The following ANXA8 variants were observed in gnomAD, a reference collection of about 807,000 sequenced individuals.
ANXA8 encodes annexin A8.
In ANXA8, 9 loss-of-function variants were observed where a neutral mutation model predicts 26.8. That is an observed-to-expected ratio of 0.34 (90% CI 0.20 to 0.59). The LOEUF (loss-of-function observed/expected upper bound fraction) is 0.59, where lower values mean the gene tolerates loss of function less well. Ranked by LOEUF, ANXA8 falls within the 20% of genes least tolerant of loss-of-function variation. The pLI, the probability that ANXA8 is intolerant of heterozygous loss-of-function variation, is 0.84. For missense variants in ANXA8, 83 were observed against 238.5 expected (o/e 0.35, Z 4.29); for synonymous variants, 39 against 94.8 (o/e 0.41, Z 3.42).
At chr10:47,530,476 T>C in the ANXA8 span, among the ~76,000 whole-genome samples, 3 of 146,352 alleles carry the variant, frequency 2.0e-5, no homozygotes, top group Non-Finnish European at 1.5e-5. Flanking sequence ...TCATCTGAGG[T>C]CAGGAGTTCG....
the ANXA8 span, among the ~76,000 whole-genome samples, chr10:47,654,238 A>G: frequency 1.4e-5 from 2 of 146,934 alleles, no homozygotes; most frequent in African/African-American, 2.7e-5. Flanking sequence ...GAGGAAGTGG[A>G]GTGTGCAAAG....
chr10:47,554,412 G>A, the ANXA8 span, among the ~76,000 whole-genome samples: 3 of 150,782 alleles, frequency 2.0e-5, no homozygotes, highest in South Asian at 2.1e-4. Context: ...AAACTGCCTC[G>A]CCTTCCCTGC....
the ANXA8 span, among the ~76,000 whole-genome samples, chr10:47,744,413 G>GCGGGGGGGGTTGGGGGGGGAGGGGGGAA: frequency 2.5e-4 from 1 of 3,978 alleles, no homozygotes; most frequent in African/African-American, 8.1e-4. Flanking sequence ...GCTCCTGGTG[G>GCGGGGGGGGTTGGGGGGGGAGGGGGGAA]GGGGGGGGTT....
the ANXA8 span, among the ~76,000 whole-genome samples, chr10:47,605,718 T>C: frequency 4.6e-5 from 7 of 150,826 alleles, no homozygotes; most frequent in East Asian, 1.4e-3. Context: ...CATACTTAAA[T>C]AGACAAATTT....
chr10:47,477,371 G>C (rs1324643172), intron 3 of ANXA8, among the ~76,000 whole-genome samples, 177 bp from the exon 4 acceptor site: 1 of 150,690 alleles, frequency 6.6e-6, no homozygotes, highest in Non-Finnish European at 1.5e-5. Flanking sequence ...TATCTTTACC[G>C]GTTACACGGA....
At chr10:47,580,756 A>C in the ANXA8 span, among the ~76,000 whole-genome samples, 4 of 65,564 alleles carry the variant, frequency 6.1e-5, no homozygotes, top group East Asian at 5.3e-4. Flanking sequence ...AACAAAACAA[A>C]AAAAAAAAAC....
the ANXA8 span, among the ~76,000 whole-genome samples, chr10:47,669,466 C>T: frequency 6.6e-6 from 1 of 151,378 alleles, no homozygotes; most frequent in Non-Finnish European, 1.5e-5. Context: ...GGCCTGTAAT[C>T]CCAGAACTTT....
the ANXA8 span, chr10:47,710,144 A>T: frequency 1.6e-6 from 1 of 616,758 alleles, no homozygotes; most frequent in African/African-American, 2.0e-5. Context: ...CATAAAATAC[A>T]GTTCTAAAAA....
At chr10:47,968,182 C>T in the ANXA8 span, among the ~76,000 whole-genome samples, 68 of 149,176 alleles carry the variant, frequency 4.6e-4, 1 homozygote, top group African/African-American at 1.6e-3. Context: ...TCTGTCGTAA[C>T]CTGTAGATTC....
At chr10:47,603,252 G>A in the ANXA8 span, among the ~76,000 whole-genome samples, 2 of 148,164 alleles carry the variant, frequency 1.3e-5, no homozygotes, top group Non-Finnish European at 2.9e-5. Context: ...AAAAATAAAG[G>A]AGAATAAGAG....
the ANXA8 span, among the ~76,000 whole-genome samples, chr10:47,705,142 G>A: frequency 6.6e-6 from 1 of 151,426 alleles, no homozygotes; most frequent in Admixed American, 6.6e-5. Context: ...AAAACAGCAG[G>A]GCATTTTAAG....
At chr10:47,705,767 T>G in the ANXA8 span, among the ~76,000 whole-genome samples, 1 of 152,090 alleles carries the variant, frequency 6.6e-6, no homozygotes, top group African/African-American at 2.4e-5. Flanking sequence ...GGGAAATGGC[T>G]ACCAGTGGAC....
chr10:47,586,570 G>A, the ANXA8 span, among the ~76,000 whole-genome samples: 4 of 145,674 alleles, frequency 2.7e-5, no homozygotes, highest in Non-Finnish European at 2.9e-5. Flanking sequence ...GACTGGCCCC[G>A]GGGGATCCTC....
chr10:47,544,081 C>T, the ANXA8 span, among the ~76,000 whole-genome samples: 7 of 151,472 alleles, frequency 4.6e-5, no homozygotes, highest in African/African-American at 7.3e-5. Flanking sequence ...AAGGCACGCA[C>T]GAAGGACTCC....
the ANXA8 span, among the ~76,000 whole-genome samples, chr10:47,707,370 G>T: frequency 1.4e-5 from 2 of 142,436 alleles, no homozygotes; most frequent in African/African-American, 4.9e-5. Context: ...TTGAAAAGTG[G>T]GACCTAATAA....
At chr10:47,766,446 CT>C in the ANXA8 span, among the ~76,000 whole-genome samples, 1 of 7,820 alleles carries the variant, frequency 1.3e-4, no homozygotes, top group Non-Finnish European at 2.8e-4. Context: ...ATCCTTCTTG[CT>C]GCTCCTGATG....
At chr10:47,659,502 C>A in the ANXA8 span, among the ~76,000 whole-genome samples, 89 of 151,338 alleles carry the variant, frequency 5.9e-4, no homozygotes, top group East Asian at 5.9e-4. Context: ...TATGGAGAAA[C>A]CCTGTCTCTA....
chr10:47,603,390 TAAAC>T, the ANXA8 span, among the ~76,000 whole-genome samples: 1 of 150,028 alleles, frequency 6.7e-6, no homozygotes, highest in Admixed American at 6.6e-5. Flanking sequence ...GATAAGAGAA[TAAAC>T]AAACAGATAA....
At chr10:47,506,422 C>T in the ANXA8 span, among the ~76,000 whole-genome samples, 7 of 138,564 alleles carry the variant, frequency 5.1e-5, 3 homozygotes, top group Non-Finnish European at 1.1e-4. Flanking sequence ...CCTCCACCTC[C>T]CAGGCTCAAG....
Sources: allele counts gnomAD v4.1 joint callset (sites outside exome capture counted in the v4.1 genomes callset), GRCh38; gene constraint gnomAD v4.1.1; transcripts MANE v1.5; gene names NCBI Gene and HGNC (gene_info 2026-07-23, HGNC 2026-07-21).